Variants in PHACTR1 observed in about 807,000 individuals in gnomAD.
PHACTR1 encodes RPEL repeat containing 1.
Under a neutral mutation model 69.2 loss-of-function variants are expected in PHACTR1, and 16 were observed. The ratio of observed to expected loss-of-function variants is 0.23; its 90% CI spans 0.16 to 0.35. PHACTR1 has a LOEUF of 0.35. PHACTR1 is among the 10% of genes least tolerant of loss of function. The pLI is 1.00. For missense variants in PHACTR1, 510 were observed against 734.7 expected (o/e 0.69, Z 3.54); for synonymous variants, 312 against 284.5 (o/e 1.10, Z -0.97).
At chr6:13,148,776 A>G (rs939701255) in intron 5 of PHACTR1, among the ~76,000 whole-genome samples, 3 of 152,224 alleles carry the variant, frequency 2.0e-5, no homozygotes, top group Non-Finnish European at 2.9e-5. Flanking sequence ...AATCAAAACC[A>G]AAATTGTTAT....
chr6:12,805,314 C>T (rs1774177118), intron 4 of PHACTR1, among the ~76,000 whole-genome samples: 1 of 152,208 alleles, frequency 6.6e-6, no homozygotes. Flanking sequence ...ATCTGGTTTA[C>T]TTGAGGTCAT....
chr6:12,987,126 T>C (rs1479955512), intron 4 of PHACTR1, among the ~76,000 whole-genome samples: 1 of 152,234 alleles, frequency 6.6e-6, no homozygotes, highest in Non-Finnish European at 1.5e-5. Context: ...TGATTATGAT[T>C]ATAGCCAATA....
intron 4 of PHACTR1, among the ~76,000 whole-genome samples, chr6:13,018,658 T>C (rs544571849): frequency 2.4e-4 from 37 of 152,272 alleles, no homozygotes; most frequent in Admixed American, 2.2e-3. Flanking sequence ...TTTAAACATA[T>C]ATTTCTAACA....
At chr6:13,167,694 A>C (rs1022840803) in intron 6 of PHACTR1, among the ~76,000 whole-genome samples, 1 of 152,242 alleles carries the variant, frequency 6.6e-6, no homozygotes. Flanking sequence ...GCTGGAAATT[A>C]GAGATAACAT....
chr6:13,118,626 G>A (rs988518991), intron 5 of PHACTR1, among the ~76,000 whole-genome samples: 6 of 151,814 alleles, frequency 4.0e-5, no homozygotes, highest in East Asian at 1.9e-4. Flanking sequence ...CTACAGGTGC[G>A]CACAACCATG....
Position 12,877,315 on chromosome 6 carries a change from A to G in PHACTR1, c.250+127525A>G, listed in dbSNP as rs1782624721. On this transcript the variant is annotated intron_variant, in intron 4 of 14. Transcript: ENST00000332995. ...ACCTGTAATGTGGGTGCTTCAGGGT[A>G]TATGAAGCCATTGCCTTCTGAAGGT... Among the ~76,000 whole-genome samples the G allele has an allele frequency of 1.3e-5, 2 of 152,216 alleles. 1 individual carries two copies. Among genetic ancestry groups the G allele is most frequent in the South Asian group, 4.1e-4 (2 of 4,830 alleles).
rs992062543 is a variant in PHACTR1 at position 13,065,490 on chromosome 6, G to A, written c.415+11961G>A. Among the ~76,000 whole-genome samples, 18 of 152,230 alleles carry A rather than the reference G, an allele frequency of 1.2e-4. No individual in the cohort carries two copies. In the East Asian group the frequency reaches 3.5e-3, roughly 29 times the overall value. ...ACAACTCATCATTGGTGTCCTTTGG[G>A]ATTATGACTTTAGGGAAGCCACGTA... On this transcript the variant is annotated intron_variant, in intron 5 of 14. Transcript: ENST00000332995.
rs558830203 is a variant in PHACTR1, at chr6:13,208,635, C to G, written c.986+2499C>G. ...CAGCCAACGTCATTGCTGCCCACCC[C>G]CCCAACCCCATGTCTACATGCACCC... On this transcript the variant is annotated intron_variant, in intron 8 of 14. Coordinates refer to ENST00000332995, the MANE Select transcript of PHACTR1 (RefSeq NM_030948.6). Among the ~76,000 whole-genome samples the G allele has an allele frequency of 1.1e-4, 16 of 149,536 alleles. No homozygotes were observed. The South Asian group carries it at 1.9e-3, about 18-fold the overall frequency.
chr6:12,767,393 A>G (rs1210946647), intron 4 of PHACTR1, among the ~76,000 whole-genome samples: 3 of 152,216 alleles, frequency 2.0e-5, no homozygotes, highest in Non-Finnish European at 4.4e-5. Flanking sequence ...GCCTCTATAA[A>G]TCATATTTCA....
chr6:12,915,611 G>C (rs1930431), intron 4 of PHACTR1, among the ~76,000 whole-genome samples: 1 of 151,368 alleles, frequency 6.6e-6, no homozygotes, highest in Admixed American at 6.6e-5. Flanking sequence ...GAAATGCTTA[G>C]AGTCCAGTTT....
chr6:13,082,370 T>C (rs1166964585), intron 5 of PHACTR1, among the ~76,000 whole-genome samples: 1 of 152,140 alleles, frequency 6.6e-6, no homozygotes, highest in African/African-American at 2.4e-5. Context: ...TGTGCCTAGG[T>C]AAACCAGCAT....
intron 4 of PHACTR1, among the ~76,000 whole-genome samples, chr6:12,873,687 G>T (rs1782281235): frequency 6.6e-6 from 1 of 152,192 alleles, no homozygotes; most frequent in Non-Finnish European, 1.5e-5. Flanking sequence ...CAATGAAGGG[G>T]CCTGGAGTCA....
intron 10 of PHACTR1, among the ~76,000 whole-genome samples, chr6:13,238,176 C>T (rs78864512): frequency 0.024 from 3,667 of 152,274 alleles, 130 homozygotes; most frequent in African/African-American, 0.081. Context: ...ACACCCACAG[C>T]CTGGGAATCA....
At chr6:13,171,909 G>A (rs777711915) in intron 6 of PHACTR1, among the ~76,000 whole-genome samples, 1 of 152,140 alleles carries the variant, frequency 6.6e-6, no homozygotes, top group Non-Finnish European at 1.5e-5. Context: ...GGGATTACAG[G>A]CATGCGCCAC....
intron 3 of PHACTR1, among the ~76,000 whole-genome samples, chr6:12,727,830 A>G (rs1446857629): frequency 6.6e-6 from 1 of 152,194 alleles, no homozygotes; most frequent in African/African-American, 2.4e-5. Context: ...CATTTTTAAT[A>G]TTTTTAAGAA....
At chr6:13,096,669 A>T (rs563944240) in intron 5 of PHACTR1, among the ~76,000 whole-genome samples, 12 of 152,206 alleles carry the variant, frequency 7.9e-5, no homozygotes, top group Non-Finnish European at 1.5e-4. Context: ...AGAAACTCCA[A>T]TGGTCTTAGT....
intron 7 of PHACTR1, among the ~76,000 whole-genome samples, chr6:13,188,375 A>G (rs933342805): frequency 1.3e-5 from 2 of 152,240 alleles, no homozygotes; most frequent in African/African-American, 4.8e-5. Flanking sequence ...CATCTGGGCC[A>G]TGTCAGAAGG....
chr6:12,868,213 C>T (rs187880404), intron 4 of PHACTR1, among the ~76,000 whole-genome samples: 135 of 149,984 alleles, frequency 9.0e-4, no homozygotes, highest in African/African-American at 3.2e-3. Flanking sequence ...ACCAAGATCG[C>T]GCCACTGCAC....
chr6:12,824,631 T>C lies in PHACTR1; in HGVS notation c.250+74841T>C, dbSNP rs568526842. On this transcript the variant is annotated intron_variant, in intron 4 of 14. Coordinates refer to ENST00000332995, the MANE Select transcript of PHACTR1 (RefSeq NM_030948.6). ...TTAGAGGGGGTAGTGAAGAAAGGCA[T>C]GGAGGCTAGAAATAAAGTAGATAAA... Among the ~76,000 whole-genome samples, 7 of 152,316 alleles carry C rather than the reference T, an allele frequency of 4.6e-5. No homozygotes were observed. The East Asian group carries it at 1.2e-3, about 25-fold the overall frequency.
Sources: gnomAD v4.1 joint callset for allele counts (sites outside exome capture counted in the v4.1 genomes callset) on GRCh38, gnomAD v4.1.1 for gene constraint, MANE v1.5 for transcripts, NCBI Gene and HGNC (gene_info 2026-07-23, HGNC 2026-07-21) for gene names.